The following DLG2 variants were observed in gnomAD, a reference collection of about 807,000 sequenced individuals.
The protein encoded by DLG2 is disks large homolog 2.
In DLG2, 45 loss-of-function variants were observed where a neutral mutation model predicts 132.5. The observed-to-expected ratio is 0.34, with a 90% CI of 0.27 to 0.44. The LOEUF (loss-of-function observed/expected upper bound fraction) is 0.44, where lower values mean the gene tolerates loss of function less well. Ranked by LOEUF, DLG2 falls within the 20% of genes least tolerant of loss-of-function variation. The pLI is 1.00. For missense variants in DLG2, 1,045 were observed against 1,196.9 expected, an observed-to-expected ratio of 0.87 and a Z score of 1.87; for synonymous variants, 424 against 419.6, an observed-to-expected ratio of 1.01 and a Z score of -0.13.
In DLG2 at chr11:84,481,394, A is replaced by G. The variant is rs2099137247; in HGVS notation, c.519+53176T>C. Among the ~76,000 whole-genome samples the G allele has an allele frequency of 2.6e-5, 4 of 152,124 alleles. No individual in the cohort carries two copies. In the South Asian group the frequency reaches 6.2e-4, roughly 24 times the overall value. On this transcript the variant is annotated intron_variant, in intron 7 of 27. Transcript: ENST00000376104. ...GGCCTCTTGCCCAGAGTTCTATCAG[A>G]GGCCATCTGAGGTAAATGTTGCTAT...
At chr11:83,646,292 T>A (rs563320676) in intron 18 of DLG2, among the ~76,000 whole-genome samples, 28 of 152,172 alleles carry the variant, frequency 1.8e-4, no homozygotes, top group African/African-American at 6.0e-4. Flanking sequence ...ACTATCTGAA[T>A]CCTTTTTTAT....
At chr11:84,626,847 A>ACATTTTATTTTATTTTATTTATTTTATTT (rs373094154) in intron 6 of DLG2, among the ~76,000 whole-genome samples, 1 of 144,012 alleles carries the variant, frequency 6.9e-6, no homozygotes, top group African/African-American at 2.6e-5. Flanking sequence ...CATCAATTAC[A>ACATTTTATTTTATTTTATTTATTTTATTT]TATTTTATTT....
chr11:84,041,782 C>G (rs1449913544), intron 11 of DLG2, among the ~76,000 whole-genome samples: 1 of 151,858 alleles, frequency 6.6e-6, no homozygotes, highest in Non-Finnish European at 1.5e-5. Flanking sequence ...TGTCCCCACC[C>G]AAATTCCATC....
chr11:84,855,461 T>C (rs975421599), intron 6 of DLG2, among the ~76,000 whole-genome samples: 24 of 152,116 alleles, frequency 1.6e-4, no homozygotes, highest in African/African-American at 5.3e-4. Flanking sequence ...GAGAGTAAAA[T>C]ATCTGAAGAG....
intron 6 of DLG2, among the ~76,000 whole-genome samples, chr11:84,967,861 T>C (rs2154112929): frequency 6.6e-6 from 1 of 152,164 alleles, no homozygotes; most frequent in South Asian, 2.1e-4. Flanking sequence ...TATAAACTGA[T>C]CAGCTATGTT....
At chr11:85,261,480 G>A (rs918632565) in intron 4 of DLG2, among the ~76,000 whole-genome samples, 2 of 151,938 alleles carry the variant, frequency 1.3e-5, no homozygotes, top group Non-Finnish European at 2.9e-5. Context: ...CTGCATCATA[G>A]AATTGACCCT....
At chr11:84,677,029 A>T (rs2099713955) in intron 6 of DLG2, among the ~76,000 whole-genome samples, 1 of 152,062 alleles carries the variant, frequency 6.6e-6, no homozygotes, top group Non-Finnish European at 1.5e-5. Context: ...CCTAGAGGTC[A>T]TAAAAAGAAT....
At chr11:83,983,198 T>C (rs1409835289) in intron 11 of DLG2, among the ~76,000 whole-genome samples, 2 of 152,142 alleles carry the variant, frequency 1.3e-5, no homozygotes, top group African/African-American at 4.8e-5. Flanking sequence ...CAGAATATGT[T>C]TGAATGCTCA....
intron 19 of DLG2, among the ~76,000 whole-genome samples, chr11:83,566,616 C>T (rs1171758486): frequency 2.0e-5 from 3 of 151,652 alleles, no homozygotes; most frequent in African/African-American, 7.3e-5. Flanking sequence ...GTGTCTAGCA[C>T]AAAAGTGTTA....
At chr11:84,383,655 C>A (rs2098757059) in intron 7 of DLG2, among the ~76,000 whole-genome samples, 1 of 152,032 alleles carries the variant, frequency 6.6e-6, no homozygotes, top group South Asian at 2.1e-4. Context: ...ATCTTCCAGC[C>A]AACAGCCAAT....
chr11:84,027,082 T>A (rs888636314), intron 11 of DLG2, among the ~76,000 whole-genome samples: 5 of 152,022 alleles, frequency 3.3e-5, no homozygotes, highest in Non-Finnish European at 5.9e-5. Context: ...GCTACAGGGA[T>A]GGCCACTGTG....
intron 4 of DLG2, among the ~76,000 whole-genome samples, chr11:85,192,969 C>A (rs1262605579): frequency 1.3e-5 from 2 of 152,096 alleles, no homozygotes; most frequent in African/African-American, 4.8e-5. Flanking sequence ...CAGAAATATG[C>A]CTTTCTGAAG....
intron 8 of DLG2, among the ~76,000 whole-genome samples, chr11:84,222,095 C>T (rs71469641): frequency 0.022 from 3,370 of 151,944 alleles, 93 homozygotes; most frequent in Admixed American, 0.078. Flanking sequence ...TGCAATGGTG[C>T]GATCTCGGCT....
chr11:84,788,764 C>T (rs1387003267), intron 6 of DLG2, among the ~76,000 whole-genome samples: 1 of 152,114 alleles, frequency 6.6e-6, no homozygotes, highest in Non-Finnish European at 1.5e-5. Context: ...CTTCAATCAC[C>T]TAGCAGAAAC....
At chr11:83,906,443 C>G (rs1252410355) in intron 15 of DLG2, among the ~76,000 whole-genome samples, 1 of 151,958 alleles carries the variant, frequency 6.6e-6, no homozygotes, top group Admixed American at 6.6e-5. Context: ...TATAATAGGA[C>G]TATTTACAAT....
At chr11:84,970,310 C>G (rs2053915877) in intron 6 of DLG2, among the ~76,000 whole-genome samples, 1 of 152,190 alleles carries the variant, frequency 6.6e-6, no homozygotes, top group African/African-American at 2.4e-5. Flanking sequence ...CTCTACTCCT[C>G]TTCCTTTTCT....
At chr11:84,831,795 T>C (rs987536603) in intron 6 of DLG2, among the ~76,000 whole-genome samples, 6 of 151,642 alleles carry the variant, frequency 4.0e-5, no homozygotes, top group African/African-American at 1.5e-4. Context: ...GAAAAAAAGT[T>C]TAACTATTTT....
intron 9 of DLG2, among the ~76,000 whole-genome samples, chr11:84,113,560 T>C (rs1223756041): frequency 6.6e-6 from 1 of 152,206 alleles, no homozygotes; most frequent in Non-Finnish European, 1.5e-5. Context: ...AAACTTTGTA[T>C]TCACCACCAA....
chr11:85,441,728 G>T (rs1239176297), intron 3 of DLG2, among the ~76,000 whole-genome samples: 2 of 152,090 alleles, frequency 1.3e-5, no homozygotes, highest in African/African-American at 4.8e-5. Context: ...ACTACTGTTA[G>T]GCAGAATCTA....
Sources: gnomAD v4.1 joint callset for allele counts (sites outside exome capture counted in the v4.1 genomes callset) on GRCh38, gnomAD v4.1.1 for gene constraint, MANE v1.5 for transcripts, NCBI Gene and HGNC (gene_info 2026-07-23, HGNC 2026-07-21) for gene names.